Variants in HPSE2 observed in about 807,000 individuals in gnomAD.
The protein encoded by HPSE2 is heparanase 2 (inactive), also known as inactive heparanase-2.
A neutral mutation model predicts 60.5 loss-of-function variants in HPSE2; 38 were observed. The observed-to-expected ratio is 0.63, with a 90% CI of 0.48 to 0.82. The LOEUF (loss-of-function observed/expected upper bound fraction) is 0.82, where lower values mean the gene tolerates loss of function less well. Ranked by LOEUF, HPSE2 falls within the 40% of genes least tolerant of loss-of-function variation. HPSE2 has a pLI of 0.00. For missense variants in HPSE2, 713 were observed against 740.4 expected (o/e 0.96, Z 0.43); for synonymous variants, 295 against 293.2 (o/e 1.01, Z -0.06).
chr10:98,667,112 T>C (rs866980203), intron 6 of HPSE2, among the ~76,000 whole-genome samples: 27 of 151,052 alleles, frequency 1.8e-4, no homozygotes, highest in Middle Eastern at 3.4e-3. Context: ...AGAAATAGAA[T>C]AGAATAGAAA....
At chr10:98,677,775 G>T (rs1947682599) in intron 6 of HPSE2, among the ~76,000 whole-genome samples, 1 of 152,100 alleles carries the variant, frequency 6.6e-6, no homozygotes, top group Admixed American at 6.6e-5. Flanking sequence ...AATAGTGGTG[G>T]ATTTTTGACA....
chr10:99,077,632 C>T (rs761041764), intron 3 of HPSE2, among the ~76,000 whole-genome samples: 4 of 151,522 alleles, frequency 2.6e-5, no homozygotes, highest in African/African-American at 9.7e-5. Flanking sequence ...TACACACATC[C>T]ATTTCATATT....
At chr10:98,531,842 G>C (rs576874413) in intron 9 of HPSE2, among the ~76,000 whole-genome samples, 238 of 152,246 alleles carry the variant, frequency 1.6e-3, no homozygotes, top group Non-Finnish European at 3.0e-3. Context: ...CCCTTAGCAA[G>C]TTACTTTATC....
intron 9 of HPSE2, among the ~76,000 whole-genome samples, chr10:98,559,488 G>A (rs1944109910): frequency 6.6e-6 from 1 of 152,056 alleles, no homozygotes; most frequent in Non-Finnish European, 1.5e-5. Flanking sequence ...TACCCTGAAG[G>A]CTTCTCTCCT....
intron 11 of HPSE2, among the ~76,000 whole-genome samples, chr10:98,475,266 C>T (rs1380866092): frequency 1.3e-5 from 2 of 151,990 alleles, no homozygotes; most frequent in Non-Finnish European, 2.9e-5. Context: ...TACAGGCACC[C>T]GCCACCATGC....
At chr10:99,165,081 CAAAAAAAAAAAA>C (rs56263581) in intron 2 of HPSE2, among the ~76,000 whole-genome samples, 1 of 65,764 alleles carries the variant, frequency 1.5e-5, no homozygotes, top group African/African-American at 6.1e-5. Flanking sequence ...GACTCGGTCT[CAAAAAAAAAAAA>C]AAAAAAAAAA....
chr10:98,768,746 A>G (rs1175039478), intron 3 of HPSE2, among the ~76,000 whole-genome samples: 1 of 152,198 alleles, frequency 6.6e-6, no homozygotes, highest in Non-Finnish European at 1.5e-5. Context: ...TTGTTTTACA[A>G]AAGTCAATAA....
intron 9 of HPSE2, among the ~76,000 whole-genome samples, chr10:98,501,677 A>G (rs1266330676): frequency 2.6e-5 from 4 of 152,174 alleles, no homozygotes; most frequent in Admixed American, 6.5e-5. Context: ...CCTCTTCAAC[A>G]TAGTATTGGA....
chr10:99,310,870 C>T, the HPSE2 span, among the ~76,000 whole-genome samples: 1 of 152,182 alleles, frequency 6.6e-6, no homozygotes, highest in African/African-American at 2.4e-5. Context: ...CTCAAGTGAT[C>T]TGTCTGCCTC....
At chr10:99,141,566 T>C (rs1423378331) in intron 3 of HPSE2, among the ~76,000 whole-genome samples, 1 of 152,252 alleles carries the variant, frequency 6.6e-6, no homozygotes, top group African/African-American at 2.4e-5. Context: ...TAAATTGTAT[T>C]AGTTTTTATT....
At position 98,888,180 on chromosome 10, in the gene HPSE2, G is replaced by GC. The variant is rs1364532718; in HGVS notation, c.611-144125_611-144124insG. 6.0e-3 allele frequency among the ~76,000 whole-genome samples: 837 copies of GC among 139,426 alleles called. 6 individuals are homozygous for GC. The highest frequency in any genetic ancestry group is 0.021 in the African/African-American group (788 of 36,654). The allele number at this position is 139,426 out of a possible 152,430, so 91.5% of individuals were successfully genotyped here. On this transcript the variant is annotated intron_variant, in intron 3 of 11. Coordinates refer to ENST00000370552, the MANE Select transcript of HPSE2 (RefSeq NM_021828.5). Reference sequence around the variant, plus strand: ...CACACACACACACACACACATGCATGATAAGGTCTAAAGAAATCAGCCCTG... The same window carrying GC: ...CACACACACACACACACACATGCATGCATAAGGTCTAAAGAAATCAGCCCTG...
intron 3 of HPSE2, among the ~76,000 whole-genome samples, chr10:99,094,540 A>ATAT (rs1843646305): frequency 1.1e-4 from 3 of 26,616 alleles, no homozygotes; most frequent in Non-Finnish European, 1.8e-4. Flanking sequence ...ATATATATAT[A>ATAT]TTTTTTTTTT....
intron 9 of HPSE2, among the ~76,000 whole-genome samples, chr10:98,521,217 A>G (rs374570105): frequency 6.6e-6 from 1 of 152,182 alleles, no homozygotes; most frequent in African/African-American, 2.4e-5. Context: ...TACAGAATGG[A>G]AGAAAATTTT....
chr10:99,294,768 T>C, the HPSE2 span, among the ~76,000 whole-genome samples: 2 of 151,936 alleles, frequency 1.3e-5, no homozygotes, highest in Non-Finnish European at 2.9e-5. Flanking sequence ...ACCCTGTCTC[T>C]ACTAAAAATA....
intron 3 of HPSE2, among the ~76,000 whole-genome samples, chr10:98,893,280 T>C (rs570364302): frequency 9.2e-5 from 14 of 152,190 alleles, no homozygotes; most frequent in African/African-American, 1.7e-4. Context: ...TTGGTCAGGC[T>C]GGTCTCGAAC....
At chr10:98,777,576 C>T (rs1373366533) in intron 3 of HPSE2, among the ~76,000 whole-genome samples, 1 of 152,102 alleles carries the variant, frequency 6.6e-6, no homozygotes, top group East Asian at 1.9e-4. Flanking sequence ...CTTTTAAAAA[C>T]AGGATGGTTG....
At chr10:99,079,936 A>G (rs2135569765) in intron 3 of HPSE2, among the ~76,000 whole-genome samples, 1 of 152,214 alleles carries the variant, frequency 6.6e-6, no homozygotes, top group Non-Finnish European at 1.5e-5. Context: ...AACTCTTTCC[A>G]TTCCCAAGGA....
chr10:98,650,577 A>G (rs2134059379), intron 6 of HPSE2, among the ~76,000 whole-genome samples: 1 of 152,348 alleles, frequency 6.6e-6, no homozygotes, highest in East Asian at 1.9e-4. Context: ...GATTGGTTGA[A>G]TAATAACTTT....
intron 3 of HPSE2, among the ~76,000 whole-genome samples, chr10:98,970,605 G>A (rs1235685297): frequency 1.3e-5 from 2 of 152,168 alleles, no homozygotes; most frequent in African/African-American, 4.8e-5. Flanking sequence ...ATTGACTTAA[G>A]CAATATACCC....
Sources: allele counts gnomAD v4.1 joint callset (sites outside exome capture counted in the v4.1 genomes callset), GRCh38; gene constraint gnomAD v4.1.1; transcripts MANE v1.5; gene names NCBI Gene and HGNC (gene_info 2026-07-23, HGNC 2026-07-21).